The following CUX1 variants were observed in gnomAD, a reference collection of about 807,000 sequenced individuals.
CUX1 encodes the protein protein CASP.
CUX1 carries 31 observed loss-of-function variants against 158.8 expected under a neutral mutation model. The ratio of observed to expected loss-of-function variants is 0.20; its 90% CI spans 0.15 to 0.26. The LOEUF (loss-of-function observed/expected upper bound fraction) is 0.26, where lower values mean the gene tolerates loss of function less well. Among genes scored for constraint, CUX1 ranks in the 10% least tolerant of loss-of-function variants. The pLI is 1.00. For synonymous variants in CUX1, 879 were observed against 862.1 expected (o/e 1.02, Z -0.34); for missense variants, 1,589 against 2,014.6 (o/e 0.79, Z 4.04).
intron 5 of CUX1, among the ~76,000 whole-genome samples, chr7:102,098,807 ATTTTTTTTTTTTTTTTTTT>A (rs112048598): frequency 1.0e-4 from 7 of 68,000 alleles, no homozygotes; most frequent in Non-Finnish European, 1.5e-4. Context: ...CGCCCAACTA[ATTTTTTTTTTTTTTTTTTT>A]TTTTTTTTTT....
At chr7:102,158,635 A>G (rs1790059971) in intron 9 of CUX1, 27 bp downstream of exon 9, 1 of 1,610,822 alleles carries the variant, frequency 6.2e-7, no homozygotes, top group Admixed American at 1.7e-5. Context: ...TTTTAGTCCT[A>G]AAACCCACAA....
chr7:102,202,920 T>G (rs1795595662), intron 18 of CUX1, among the ~76,000 whole-genome samples: 1 of 152,202 alleles, frequency 6.6e-6, no homozygotes, highest in Non-Finnish European at 1.5e-5. Context: ...GAATGAGGGT[T>G]AACCGTGCCT....
At chr7:101,991,790 C>T (rs1473733694) in intron 2 of CUX1, among the ~76,000 whole-genome samples, 1 of 150,540 alleles carries the variant, frequency 6.6e-6, no homozygotes, top group Non-Finnish European at 1.5e-5. Flanking sequence ...AGTTAGTAGC[C>T]AGGCACCATG....
intron 1 of CUX1, among the ~76,000 whole-genome samples, chr7:101,890,900 C>T (rs1047077781): frequency 6.6e-6 from 1 of 151,712 alleles, no homozygotes; most frequent in Non-Finnish European, 1.5e-5. Context: ...ATTGTTTAGG[C>T]TGTTGTTTGG....
intron 1 of CUX1, among the ~76,000 whole-genome samples, chr7:101,879,743 C>T (rs758463240): frequency 6.6e-6 from 1 of 152,262 alleles, no homozygotes; most frequent in Non-Finnish European, 1.5e-5. Flanking sequence ...GGCCCGCCCG[C>T]AGGGTCCTTG....
At chr7:101,848,504 T>G (rs1417487521) in intron 1 of CUX1, among the ~76,000 whole-genome samples, 1 of 152,160 alleles carries the variant, frequency 6.6e-6, no homozygotes, top group Non-Finnish European at 1.5e-5. Context: ...AAGAATTTGT[T>G]GGGCGAGGGA....
At chr7:102,035,218 T>C (rs959843340) in intron 3 of CUX1, among the ~76,000 whole-genome samples, 2 of 152,132 alleles carry the variant, frequency 1.3e-5, no homozygotes, top group African/African-American at 4.8e-5. Context: ...TGACTTACGA[T>C]GGTGCAACTT....
chr7:102,252,139 G>A lies in CUX1; in HGVS notation c.*3097G>A. 1.0e-6 allele frequency: 1 copy of A among 984,632 alleles called. No individual in the cohort carries two copies. Among genetic ancestry groups the A allele is most frequent in the Non-Finnish European group, 1.2e-6 (1 of 829,414 alleles). The allele number at this position is 984,632 out of a possible 1,614,324, so 61.0% of individuals were successfully genotyped here. On this transcript the variant is annotated 3_prime_UTR_variant, in exon 24 of 24. Transcript: ENST00000292535. ...ATTATTTATTTTTTTAAAAAAAATAGAGATCCTAACCTTAGATCTTTGATG... is the reference window on the plus strand; with the variant it reads ...ATTATTTATTTTTTTAAAAAAAATAAAGATCCTAACCTTAGATCTTTGATG...
rs1801349274 is a variant in CUX1, at chr7:102,250,229, CTG to C, written c.*1190_*1191del. 2.0e-6 allele frequency: 2 copies of C among 985,328 alleles called. No homozygotes were observed. Among genetic ancestry groups the C allele is most frequent in the Admixed American group, 6.2e-5 (1 of 16,260 alleles). The allele number at this position is 985,328 out of a possible 1,614,324, so 61.0% of individuals were successfully genotyped here. ...TTTAATTTATGGTGTCTCAATCTGT[CTG>C]TGCGTCTGCACGTGTGCAAGCATTG... On this transcript the variant is annotated 3_prime_UTR_variant, in exon 24 of 24. Transcript: ENST00000292535.
Position 102,201,852 on chromosome 7 carries a change from A to C in CUX1, c.2555A>C (p.Lys852Thr), listed in dbSNP as rs1554519893. ...KAEETGGGKE[K>T]GSGGSGGGSQ... ...GAAGAAACGGGCGGCGGGAAAGAGA[A>C]GGGCAGCGGTGGCAGCGGAGGTGGC... The change falls in exon 18 of 24, where the codon AAG becomes ACG. Residue 852 changes from lysine to threonine, a missense_variant. Transcript: ENST00000292535. The surrounding 1 kb of genome is among the most constrained non-coding windows in gnomAD (Gnocchi z 5.0). 1 of 1,612,406 alleles carries C rather than the reference A, an allele frequency of 6.2e-7. No homozygotes were observed. The highest frequency in any genetic ancestry group is 8.5e-7 in the Non-Finnish European group (1 of 1,179,888).
chr7:102,189,956 C>G (rs1586130279), intron 12 of CUX1, 85 bp downstream of exon 12: 3 of 1,423,514 alleles, frequency 2.1e-6, no homozygotes, highest in Non-Finnish European at 2.9e-6. Flanking sequence ...TGGCAGGAAG[C>G]CTTGGCCCCC....
At chr7:102,023,846 G>C (rs1051313842) in intron 2 of CUX1, among the ~76,000 whole-genome samples, 1 of 152,126 alleles carries the variant, frequency 6.6e-6, no homozygotes, top group Non-Finnish European at 1.5e-5. Context: ...ATATGTGTGC[G>C]TGCGTGAGTG....
At chr7:102,187,611 A>G (rs563680845) in intron 11 of CUX1, among the ~76,000 whole-genome samples, 2 of 151,200 alleles carry the variant, frequency 1.3e-5, no homozygotes, top group African/African-American at 4.9e-5. Flanking sequence ...GCCGGCTCCT[A>G]TTCTCTGGAT....
At chr7:102,062,936 C>T (rs561454579) in intron 3 of CUX1, among the ~76,000 whole-genome samples, 16 of 152,262 alleles carry the variant, frequency 1.1e-4, no homozygotes, top group Non-Finnish European at 2.2e-4. Flanking sequence ...GAAACCCCGT[C>T]TCTATTAAAA....
rs866441717 is a variant in CUX1, at chr7:101,895,911, T to G, written c.31-20204T>G. On this transcript the variant is annotated intron_variant, in intron 1 of 23. Transcript: ENST00000292535. Reference sequence around the variant, plus strand: ...GTAAAGTTTTTTTTTTGTTTTTGTTTTTTTTTTTTTTTTTTGGAGACAGGG... The same window carrying G: ...GTAAAGTTTTTTTTTTGTTTTTGTTGTTTTTTTTTTTTTTTGGAGACAGGG... Among the ~76,000 whole-genome samples, 749 of 110,822 alleles carry G rather than the reference T, an allele frequency of 6.8e-3. 13 individuals carry two copies. Among genetic ancestry groups the G allele is most frequent in the African/African-American group, 0.023 (716 of 31,232 alleles). 72.7% of individuals were successfully genotyped at this position (110,822 alleles called of 152,430 possible). A position where few individuals can be genotyped will look rare whatever the true frequency, so the allele number is the denominator to read the frequency against.
At chr7:102,260,088 C>CT (rs1317744336), downstream of CUX1, among the ~76,000 whole-genome samples, 3 of 84,364 alleles carry the variant, frequency 3.6e-5, no homozygotes, top group Non-Finnish European at 7.5e-5. Flanking sequence ...CAGCAAGACC[C>CT]TAAATCTTGG....
At chr7:101,959,274 T>TGTGC (rs1491298248) in intron 2 of CUX1, 2 of 141,750 alleles carry the variant, frequency 1.4e-5, no homozygotes, top group South Asian at 4.5e-4. Context: ...TGTGTGTGTG[T>TGTGC]GCAAGAGAGC....
intron 1 of CUX1, among the ~76,000 whole-genome samples, chr7:101,886,355 A>G (rs927506864): frequency 6.6e-6 from 1 of 151,962 alleles, no homozygotes; most frequent in Admixed American, 6.6e-5. Context: ...CGCCATGCCC[A>G]ACTAATTTTT....
intron 16 of CUX1, among the ~76,000 whole-genome samples, chr7:102,274,647 C>T (rs1376148054): frequency 6.6e-6 from 1 of 152,222 alleles, no homozygotes; most frequent in Non-Finnish European, 1.5e-5. Flanking sequence ...AGCCCTCAAC[C>T]TGCCTTTCTG....
Sources: allele counts gnomAD v4.1 joint callset (sites outside exome capture counted in the v4.1 genomes callset), GRCh38; gene constraint gnomAD v4.1.1; non-coding constraint Gnocchi (gnomAD v3.1); transcripts MANE v1.5; gene names NCBI Gene and HGNC (gene_info 2026-07-23, HGNC 2026-07-21).